PSEN1: variants seen among roughly 807,000 people sequenced by gnomAD.
PSEN1 encodes the protein presenilin 1, also known as presenilin-1.
In PSEN1, 15 loss-of-function variants were observed where a neutral mutation model predicts 53.5. The observed-to-expected ratio is 0.28, with a 90% CI of 0.19 to 0.43. The LOEUF is 0.43. Among genes scored for constraint, PSEN1 ranks in the 20% least tolerant of loss-of-function variants. PSEN1 has a pLI of 1.00. For missense variants in PSEN1, 387 were observed against 571.2 expected, an observed-to-expected ratio of 0.68 and a Z score of 3.29; for synonymous variants, 208 against 209.8, an observed-to-expected ratio of 0.99 and a Z score of 0.08.
At chr14:73,145,222 C>T (rs548394117) in intron 1 of PSEN1, among the ~76,000 whole-genome samples, 1 of 151,916 alleles carries the variant, frequency 6.6e-6, no homozygotes, top group African/African-American at 2.4e-5. Flanking sequence ...CTTGCATTAC[C>T]CTTTCTTTGC....
intron 3 of PSEN1, among the ~76,000 whole-genome samples, chr14:73,152,419 G>A (rs1897255615): frequency 6.8e-6 from 1 of 147,602 alleles, no homozygotes; most frequent in Admixed American, 6.8e-5. Context: ...GGCCAACATG[G>A]TGAAACCCCA....
At chr14:73,188,875 GCCTCCTGGGTTCAAGCGA>G (rs933400749) in intron 6 of PSEN1, among the ~76,000 whole-genome samples, 2 of 150,656 alleles carry the variant, frequency 1.3e-5, no homozygotes, top group African/African-American at 2.4e-5. Context: ...AGGAACTTCT[GCCTCCTGGGTTCAAGCGA>G]TTCTCCTGCA....
intron 8 of PSEN1, 56 bp from the exon 9 acceptor site, chr14:73,206,330 G>T (rs1899453206): frequency 1.6e-6 from 2 of 1,220,916 alleles, no homozygotes; most frequent in Admixed American, 3.4e-5. Flanking sequence ...GCTTGTTGTT[G>T]TCTATGCATA....
chr14:73,212,393 G>A (rs931119148), intron 10 of PSEN1, among the ~76,000 whole-genome samples: 7 of 152,116 alleles, frequency 4.6e-5, no homozygotes, highest in Non-Finnish European at 1.0e-4. Context: ...ACAGGCGTGA[G>A]CCACTGTACC....
chr14:73,206,232 G>C (rs1010576656), intron 8 of PSEN1, 154 bp from the exon 9 acceptor site: 2 of 682,702 alleles, frequency 2.9e-6, no homozygotes, highest in Non-Finnish European at 5.4e-6. Flanking sequence ...TAAAACCAAA[G>C]AGAACCTTTT....
chr14:73,202,431 TATATATATATATATATATATATATA>T (rs1899235677), intron 8 of PSEN1, among the ~76,000 whole-genome samples: 1 of 12,306 alleles, frequency 8.1e-5, no homozygotes, highest in Non-Finnish European at 1.6e-4. Context: ...TATATATATA[TATATATATATATATATATATATATA>T]TATATATTTT....
intron 9 of PSEN1, chr14:73,208,741 G>A: frequency 2.3e-6 from 1 of 427,880 alleles, no homozygotes; most frequent in Non-Finnish European, 4.7e-6. Context: ...GTGGTCTGTG[G>A]AACTGGGAGC....
rs1212505120 is a variant in PSEN1, at chr14:73,198,243, A to G, written c.868+114A>G. ...CTTGTTCTCATCTTAAATGCACAGCATTCCTGGAACTCCTGCAGATCTCTT... is the reference window on the plus strand; with the variant it reads ...CTTGTTCTCATCTTAAATGCACAGCGTTCCTGGAACTCCTGCAGATCTCTT... On this transcript the variant is annotated intron_variant, in intron 8 of 11. Transcript: ENST00000324501. 5.7e-6 allele frequency: 4 copies of G among 706,022 alleles called. No homozygotes were observed. In the East Asian group the frequency reaches 8.1e-5, roughly 14 times the overall value. The allele number at this position is 706,022 out of a possible 1,614,324, so 43.7% of individuals were successfully genotyped here.
chr14:73,186,753 G>T, intron 5 of PSEN1, 100 bp from the exon 6 acceptor site: 1 of 972,292 alleles, frequency 1.0e-6, no homozygotes, highest in Non-Finnish European at 1.7e-6. Flanking sequence ...CTCCAGTCTG[G>T]GCGACAAAGT....
intron 5 of PSEN1, among the ~76,000 whole-genome samples, chr14:73,175,168 G>C (rs115334263): frequency 6.6e-6 from 1 of 151,758 alleles, no homozygotes; most frequent in African/African-American, 2.4e-5. Context: ...CTCTTGTCCC[G>C]CAGGCTGGAG....
At chr14:73,145,280 A>AG (rs1307478556) in intron 1 of PSEN1, among the ~76,000 whole-genome samples, 2 of 151,970 alleles carry the variant, frequency 1.3e-5, no homozygotes, top group Non-Finnish European at 1.5e-5. Context: ...TTTGCTTCTG[A>AG]GGGATTATAT....
Position 73,185,616 on chromosome 14 carries a change from G to C in PSEN1, c.481-1237G>C, listed in dbSNP as rs924180344. Reference sequence around the variant, plus strand: ...GAGGGAGAGGGAGACCGTGGGGAGAGAGAGGGAGAGGGAGAGGGAGAGCGC... The same window carrying C: ...GAGGGAGAGGGAGACCGTGGGGAGACAGAGGGAGAGGGAGAGGGAGAGCGC... On this transcript the variant is annotated intron_variant, in intron 5 of 11. Transcript: ENST00000324501. 1.0e-4 allele frequency among the ~76,000 whole-genome samples: 15 copies of C among 144,550 alleles called. 1 individual carries two copies. Among genetic ancestry groups the C allele is most frequent in the South Asian group, 6.3e-4 (3 of 4,772 alleles). 94.8% of individuals were successfully genotyped at this position (144,550 alleles called of 152,430 possible).
intron 1 of PSEN1, chr14:73,139,433 T>G (rs1455407723): frequency 6.6e-6 from 1 of 151,134 alleles, no homozygotes; most frequent in Non-Finnish European, 1.5e-5. Context: ...TACAAAAAAT[T>G]AGCCGGGTGT....
At position 73,219,638 on chromosome 14, in the gene PSEN1, C is replaced by T. The variant is rs1300264843; in HGVS notation, c.*349C>T. On this transcript the variant is annotated 3_prime_UTR_variant, in exon 12 of 12. Coordinates refer to ENST00000324501, the MANE Select transcript of PSEN1 (RefSeq NM_000021.4). The stretch of plus-strand genomic sequence containing the variant: ...AGGACGATTTCACTGACACTGCGAA[C>T]TCTCAGGACTACCGTTACCAAGAGG... The T allele has an allele frequency of 2.9e-6, 1 of 349,282 alleles. No homozygotes were observed. Among genetic ancestry groups the T allele is most frequent in the African/African-American group, 2.1e-5 (1 of 47,374 alleles). The allele number at this position is 349,282 out of a possible 1,614,324, so 21.6% of individuals were successfully genotyped here.
At chr14:73,203,768 A>T (rs362370) in intron 8 of PSEN1, among the ~76,000 whole-genome samples, 1 of 152,184 alleles carries the variant, frequency 6.6e-6, no homozygotes, top group East Asian at 1.9e-4. Flanking sequence ...TGGGAGCTTA[A>T]CTAGAAGGGA....
chr14:73,152,637 G>A (rs1052524451), intron 3 of PSEN1, among the ~76,000 whole-genome samples: 8 of 151,880 alleles, frequency 5.3e-5, no homozygotes, highest in Non-Finnish European at 1.2e-4. Flanking sequence ...ACAAAAGCTC[G>A]GTAGCATGAG....
At chr14:73,202,444 ATATATATATATATATATATTTTTTTTTT>A (rs1899247906) in intron 8 of PSEN1, among the ~76,000 whole-genome samples, 3 of 14,858 alleles carry the variant, frequency 2.0e-4, no homozygotes, top group African/African-American at 1.0e-3. Context: ...ATATATATAT[ATATATATATATATATATATTTTTTTTTT>A]TTTTTTTTTT....
At chr14:73,184,687 C>T (rs1476413576) in intron 5 of PSEN1, among the ~76,000 whole-genome samples, 7 of 144,518 alleles carry the variant, frequency 4.8e-5, no homozygotes, top group Admixed American at 1.4e-4. Flanking sequence ...GCTGGCGGGG[C>T]GGGGGGCTGA....
chr14:73,166,723 A>G (rs1279711429), intron 3 of PSEN1, among the ~76,000 whole-genome samples: 1 of 152,152 alleles, frequency 6.6e-6, no homozygotes, highest in African/African-American at 2.4e-5. Context: ...TTTCCATTCT[A>G]CTGGGCTTTA....
Sources: gnomAD v4.1 joint callset for allele counts (sites outside exome capture counted in the v4.1 genomes callset) on GRCh38, gnomAD v4.1.1 for gene constraint, MANE v1.5 for transcripts, NCBI Gene and HGNC (gene_info 2026-07-23, HGNC 2026-07-21) for gene names.